Variants in ZNF567 observed in about 807,000 individuals in gnomAD.
ZNF567 encodes the protein zinc finger protein 567.
In ZNF567, 36 loss-of-function variants were observed where a neutral mutation model predicts 53.9. The observed-to-expected ratio is 0.67, with a 90% CI of 0.51 to 0.88. ZNF567 has a LOEUF of 0.88. Among genes scored for constraint, ZNF567 ranks in the 40% least tolerant of loss-of-function variants. The pLI is 0.00. For synonymous variants in ZNF567, 224 were observed against 260.4 expected, an observed-to-expected ratio of 0.86 and a Z score of 1.35; for missense variants, 619 against 764.7, an observed-to-expected ratio of 0.81 and a Z score of 2.25.
At chr19:36,697,763 C>A (rs953971060) in intron 3 of ZNF567, among the ~76,000 whole-genome samples, 1 of 151,892 alleles carries the variant, frequency 6.6e-6, no homozygotes, top group African/African-American at 2.4e-5. Context: ...AGGCATGCAC[C>A]ACCATGCTGG....
chr19:36,693,960 G>A (rs1315180857), intron 2 of ZNF567, among the ~76,000 whole-genome samples: 2 of 152,184 alleles, frequency 1.3e-5, no homozygotes, highest in South Asian at 2.1e-4. Context: ...TATAGGAGGA[G>A]CACATGAGGC....
At chr19:36,727,440 C>T (rs576523678), downstream of ZNF567, 16 of 149,710 alleles carry the variant, frequency 1.1e-4, no homozygotes, top group African/African-American at 1.5e-4. Flanking sequence ...AATGCAGTGG[C>T]GTGATCTCAA....
In ZNF567 at chr19:36,719,213, T is replaced by A; in HGVS notation, c.489T>A (p.Asn163Lys). 1.2e-6 allele frequency: 2 copies of A among 1,613,988 alleles called. No individual in the cohort carries two copies. Residue 163 changes from asparagine to lysine, a missense_variant, in exon 6 of 6, where the codon AAT (asparagine) becomes AAA (lysine). By Grantham distance (94) the Asn-to-Lys change is moderately conservative. Coordinates refer to ENST00000682579, the MANE Select transcript of ZNF567 (RefSeq NM_001322917.1). Reference sequence around the variant, plus strand: ...CAAGAAAGAGACTTAGTGAGTATAATGGATATGGGAAATCACTCCTGAGTA... The same window carrying A: ...CAAGAAAGAGACTTAGTGAGTATAAAGGATATGGGAAATCACTCCTGAGTA... ...NPARKRLSEY[N>K]GYGKSLLSTK...
At chr19:36,721,994 C>T (rs2040309415), downstream of ZNF567, among the ~76,000 whole-genome samples, 2 of 152,156 alleles carry the variant, frequency 1.3e-5, no homozygotes, top group Non-Finnish European at 1.5e-5. Flanking sequence ...CCGCCTGCCT[C>T]GGCCTCCCAA....
At chr19:36,725,863 C>T (rs2145940811), downstream of ZNF567, among the ~76,000 whole-genome samples, 1 of 152,288 alleles carries the variant, frequency 6.6e-6, no homozygotes, top group East Asian at 1.9e-4. Flanking sequence ...TCCAGGCTTC[C>T]TTAAGTACTT....
chr19:36,674,787 T>G, the ZNF567 span, among the ~76,000 whole-genome samples: 2 of 152,004 alleles, frequency 1.3e-5, no homozygotes, highest in Non-Finnish European at 2.9e-5. Context: ...AGAGTCTCAC[T>G]CTGTTGCCCA....
At chr19:36,715,405 C>G (rs1329569353) in intron 5 of ZNF567, among the ~76,000 whole-genome samples, 1 of 149,988 alleles carries the variant, frequency 6.7e-6, no homozygotes, top group Non-Finnish European at 1.5e-5. Flanking sequence ...AGGTGATCCA[C>G]CTGCCTCAGC....
Position 36,720,153 on chromosome 19 carries a change from T to G in ZNF567, c.1429T>G (p.Tyr477Asp). The G allele has an allele frequency of 6.2e-7, 1 of 1,613,888 alleles. No homozygotes were observed. Among genetic ancestry groups the G allele is most frequent in the Non-Finnish European group, 8.5e-7 (1 of 1,179,972 alleles). ...GAGAACACATACAGGGGAGAAATCT[T>G]ATGAATGTCCTCACTGTGGGAAGGC... The part of the protein sequence containing the change: ...HQRTHTGEKS[Y>D]ECPHCGKAFR... The change falls in exon 6 of 6, where the codon TAT becomes GAT. Residue 477 changes from tyrosine (Y) to aspartate (D), a missense_variant. Coordinates refer to ENST00000682579, the MANE Select transcript of ZNF567 (RefSeq NM_001322917.1).
At position 36,720,103 on chromosome 19, in the gene ZNF567, A is replaced by G; in HGVS notation, c.1379A>G (p.Gln460Arg). The G allele has an allele frequency of 6.2e-7, 1 of 1,614,142 alleles. No homozygotes were observed. Among genetic ancestry groups the G allele is most frequent in the South Asian group, 1.1e-5 (1 of 91,070 alleles). ...AGTGAATGTGGAAAGTCCTTCCGCC[A>G]GAAGACAACCCTTGTAGCACATCAG... The part of the protein sequence containing the change: ...ICSECGKSFR[Q>R]KTTLVAHQRT... The change falls in exon 6 of 6, where the codon CAG (glutamine) becomes CGG (arginine). Residue 460 changes from glutamine (Q) to arginine (R), a missense_variant. Coordinates refer to ENST00000682579, the MANE Select transcript of ZNF567 (RefSeq NM_001322917.1).
chr19:36,698,785 A>T (rs1408805711), intron 3 of ZNF567, among the ~76,000 whole-genome samples: 1 of 151,862 alleles, frequency 6.6e-6, no homozygotes, highest in Non-Finnish European at 1.5e-5. Context: ...TTTTTCTTGT[A>T]AATTTGTTTG....
intron 3 of ZNF567, among the ~76,000 whole-genome samples, chr19:36,701,063 G>A (rs1254021983): frequency 2.0e-5 from 3 of 151,794 alleles, no homozygotes; most frequent in Admixed American, 2.0e-4. Flanking sequence ...GGCATTTAGT[G>A]CTATAAATTT....
the ZNF567 span, among the ~76,000 whole-genome samples, chr19:36,680,337 C>A: frequency 6.6e-6 from 1 of 152,178 alleles, no homozygotes; most frequent in South Asian, 2.1e-4. Context: ...CTGTCTTTCT[C>A]ATTTAACACA....
the ZNF567 span, among the ~76,000 whole-genome samples, chr19:36,673,736 C>G: frequency 6.6e-6 from 1 of 152,074 alleles, no homozygotes; most frequent in Non-Finnish European, 1.5e-5. Flanking sequence ...TTCTGTTTCT[C>G]TAGAGAACCT....
chr19:36,706,458 T>TA (rs1002158867), intron 3 of ZNF567, among the ~76,000 whole-genome samples: 8 of 152,018 alleles, frequency 5.3e-5, no homozygotes, highest in Non-Finnish European at 1.0e-4. Context: ...CATGCCCAGC[T>TA]AATTTTTCTG....
At chr19:36,689,236 A>AGAGTGTGTGT (rs977076097) in intron 1 of ZNF567, among the ~76,000 whole-genome samples, 161 bp from the exon 2 acceptor site, 1 of 138,966 alleles carries the variant, frequency 7.2e-6, no homozygotes, top group African/African-American at 2.7e-5. Context: ...CCTATTTGAG[A>AGAGTGTGTGT]GTGTGTGTGT....
intron 3 of ZNF567, among the ~76,000 whole-genome samples, chr19:36,699,601 G>C (rs1317374553): frequency 2.6e-5 from 4 of 152,086 alleles, no homozygotes; most frequent in Non-Finnish European, 5.9e-5. Flanking sequence ...ATTTCATTGA[G>C]CAGTGGTTTG....
At chr19:36,707,214 T>C (rs2039541630) in intron 3 of ZNF567, among the ~76,000 whole-genome samples, 1 of 152,292 alleles carries the variant, frequency 6.6e-6, no homozygotes, top group Non-Finnish European at 1.5e-5. Flanking sequence ...TATTCACTTA[T>C]TAGAAGTACT....
rs1318011727 is a variant in ZNF567, at chr19:36,719,626, G to A, written c.902G>A (p.Arg301Lys). The change falls in exon 6 of 6, where the codon AGA (arginine) becomes AAA (lysine). Residue 301 changes from arginine to lysine, a missense_variant. Transcript: ENST00000682579. ...AAATCATATCTCATTGATCATCAGA[G>A]AACTCACACAGGAGAGAAACCCTTT... Reference protein sequence around the residue: ...RRKSYLIDHQRTHTGEKPFVC... With the variant: ...RRKSYLIDHQKTHTGEKPFVC... The A allele has an allele frequency of 3.7e-6, 6 of 1,614,008 alleles. No homozygotes were observed. The highest frequency in any genetic ancestry group is 5.1e-6 in the Non-Finnish European group (6 of 1,179,896).
upstream of ZNF567, chr19:36,685,812 G>A (rs911486644): frequency 3.3e-5 from 5 of 152,168 alleles, no homozygotes; most frequent in Admixed American, 6.5e-5. Context: ...TATTTGGGGG[G>A]CTTGGCAATT....
Sources: gnomAD v4.1 joint callset for allele counts (sites outside exome capture counted in the v4.1 genomes callset) on GRCh38, gnomAD v4.1.1 for gene constraint, MANE v1.5 for transcripts, NCBI Gene and HGNC (gene_info 2026-07-23, HGNC 2026-07-21) for gene names.